Variants in ADGRB1 observed in about 807,000 individuals in gnomAD.
ADGRB1 encodes the protein adhesion G protein-coupled receptor B1, also known as brain-specific angiogenesis inhibitor 1.
In ADGRB1, 36 loss-of-function variants were observed where a neutral mutation model predicts 175.7. The ratio of observed to expected loss-of-function variants is 0.20; its 90% CI spans 0.16 to 0.27. The LOEUF is 0.27. Ranked by LOEUF, ADGRB1 falls within the 10% of genes least tolerant of loss-of-function variation. The pLI is 1.00. For synonymous variants in ADGRB1, 1,054 were observed against 979.4 expected, an observed-to-expected ratio of 1.08 and a Z score of -1.42; for missense variants, 1,731 against 2,255.3, an observed-to-expected ratio of 0.77 and a Z score of 4.71.
chr8:142,501,036 C>T (rs956467448), intron 17 of ADGRB1, among the ~76,000 whole-genome samples: 6 of 152,078 alleles, frequency 3.9e-5, no homozygotes, highest in African/African-American at 7.2e-5. Context: ...CACTTGTTGT[C>T]GAATGCTGGT....
Position 142,474,729 on chromosome 8 carries a change from C to T in ADGRB1, c.785-745C>T, listed in dbSNP as rs998627901. Among the ~76,000 whole-genome samples, 1 of 152,024 alleles carries T rather than the reference C, an allele frequency of 6.6e-6. No individual in the cohort carries two copies. On this transcript the variant is annotated intron_variant, in intron 2 of 30. Coordinates refer to ENST00000517894, the MANE Select transcript of ADGRB1 (RefSeq NM_001702.3). The surrounding 1 kb of genome is among the most constrained non-coding windows in gnomAD (Gnocchi z 5.8). The stretch of plus-strand genomic sequence containing the variant: ...GGTCCATGAAGGCCGCGGGGACTGT[C>T]GGGGCAGGGATGGAGAAAGACTCAC...
At chr8:142,495,644 C>T (rs1842177508) in intron 17 of ADGRB1, among the ~76,000 whole-genome samples, 4 of 151,976 alleles carry the variant, frequency 2.6e-5, no homozygotes, top group African/African-American at 4.8e-5. Context: ...CGGCGTCACT[C>T]CAGTCTCTGC....
chr8:142,460,319 G>A (rs1418726204), intron 1 of ADGRB1, among the ~76,000 whole-genome samples: 1 of 152,220 alleles, frequency 6.6e-6, no homozygotes, highest in African/African-American at 2.4e-5. Flanking sequence ...GGGGCCATCA[G>A]CCAAGACAAC....
At chr8:142,479,627 C>T (rs1230119016) in intron 8 of ADGRB1, 66 bp from the exon 9 acceptor site, 3 of 1,491,056 alleles carry the variant, frequency 2.0e-6, no homozygotes, top group Non-Finnish European at 2.7e-6. Context: ...GCGCCTTGCA[C>T]CTTCCAGAGC....
At chr8:142,479,863 G>A in intron 9 of ADGRB1, 69 bp downstream of exon 9, 2 of 1,481,196 alleles carry the variant, frequency 1.4e-6, no homozygotes, top group Non-Finnish European at 1.8e-6. Flanking sequence ...CCACGCTGAG[G>A]TGCTGTCAGC....
intron 13 of ADGRB1, among the ~76,000 whole-genome samples, chr8:142,486,969 G>A (rs1194439990): frequency 2.6e-5 from 4 of 152,288 alleles, no homozygotes. Context: ...GCAGTGAGTT[G>A]TGATCACACC....
At chr8:142,454,626 C>T (rs1268663015) in intron 1 of ADGRB1, among the ~76,000 whole-genome samples, 2 of 152,112 alleles carry the variant, frequency 1.3e-5, no homozygotes, top group Non-Finnish European at 2.9e-5. Context: ...GGGTGCTGGC[C>T]CTGCGTTCTG....
At position 142,511,106 on chromosome 8, in the gene ADGRB1, CCGGGCAGGGGCG is replaced by C. The variant is rs1358148755; in HGVS notation, c.2817+39_2817+50del. 9.3e-7 allele frequency: 1 copy of C among 1,077,484 alleles called. No individual in the cohort carries two copies. The highest frequency in any genetic ancestry group is 1.1e-6 in the Non-Finnish European group (1 of 890,474). The allele number at this position is 1,077,484 out of a possible 1,614,324, so 66.7% of individuals were successfully genotyped here. On this transcript the variant is annotated intron_variant, in intron 18 of 30. Transcript: ENST00000517894. This position sits in a 1 kb window ranked among gnomAD's most constrained non-coding sequence, Gnocchi z 4.5. Reference sequence around the variant, plus strand: ...CCCGGCCGGGCCGGCGGGAGGGGCGCCGGGCAGGGGCGCGGGCGGGGGCTGCCGGCGGGCCTG... The same window carrying C: ...CCCGGCCGGGCCGGCGGGAGGGGCGCCGGGCGGGGGCTGCCGGCGGGCCTG...
Position 142,449,714 on chromosome 8 carries a change from A to AGGCGGC in ADGRB1, c.-601_-596dup, listed in dbSNP as rs1043714974. On this transcript the variant is annotated 5_prime_UTR_variant, in exon 1 of 31. Transcript: ENST00000517894. ...CGGCCGGAGAGGGAGCGGCGGGCGC[A>AGGCGGC]GGCGGCGGCGGCGGGCGCGGCGTTG... 1 of 141,158 alleles carries AGGCGGC rather than the reference A, an allele frequency of 7.1e-6. No homozygotes were observed. The highest frequency in any genetic ancestry group is 1.5e-5 in the Non-Finnish European group (1 of 64,666). The allele number at this position is 141,158 out of a possible 1,614,324, so 8.7% of individuals were successfully genotyped here.
intron 17 of ADGRB1, among the ~76,000 whole-genome samples, chr8:142,499,126 C>T (rs543919604): frequency 6.6e-6 from 1 of 152,330 alleles, no homozygotes; most frequent in Admixed American, 6.5e-5. Context: ...CAGGCAGGCC[C>T]CTCACTGGCA....
At chr8:142,481,210 G>T (rs371924386) in intron 9 of ADGRB1, 44 bp from the exon 10 acceptor site, 2 of 1,577,512 alleles carry the variant, frequency 1.3e-6, no homozygotes, top group Non-Finnish European at 8.7e-7. Context: ...GGATTCCTGG[G>T]CCAGGCAGCG....
At chr8:142,496,574 G>A (rs898100897) in intron 17 of ADGRB1, among the ~76,000 whole-genome samples, 4 of 152,222 alleles carry the variant, frequency 2.6e-5, no homozygotes, top group African/African-American at 7.2e-5. Flanking sequence ...TTACACGTAA[G>A]AGTTGCAAAT....
intron 17 of ADGRB1, among the ~76,000 whole-genome samples, chr8:142,500,284 T>C (rs1398726127): frequency 8.8e-5 from 1 of 11,356 alleles, no homozygotes; most frequent in Admixed American, 1.2e-3. Flanking sequence ...CTCCTCCACC[T>C]CCCCACGCGC....
intron 22 of ADGRB1, among the ~76,000 whole-genome samples, chr8:142,523,590 T>G (rs1168064729): frequency 6.6e-6 from 1 of 151,748 alleles, no homozygotes; most frequent in Non-Finnish European, 1.5e-5. Flanking sequence ...CCTGCCGAAG[T>G]CAGGGGTGGA....
At chr8:142,453,050 T>C (rs1392896528) in intron 1 of ADGRB1, among the ~76,000 whole-genome samples, 154 of 115,006 alleles carry the variant, frequency 1.3e-3, no homozygotes, top group African/African-American at 5.2e-3. Flanking sequence ...GCCCGCTCGC[T>C]CGCTCGCTCG....
At chr8:142,499,409 C>T (rs1190263517) in intron 17 of ADGRB1, among the ~76,000 whole-genome samples, 3 of 152,252 alleles carry the variant, frequency 2.0e-5, no homozygotes, top group East Asian at 1.9e-4. Context: ...GGCAGGCAGC[C>T]GCTCAAAAGA....
Position 142,510,562 on chromosome 8 carries a change from G to A in ADGRB1, c.2676-370G>A, listed in dbSNP as rs1293482188. Among the ~76,000 whole-genome samples, 4 of 148,524 alleles carry A rather than the reference G, an allele frequency of 2.7e-5. No individual in the cohort carries two copies. The highest frequency in any genetic ancestry group is 9.8e-5 in the African/African-American group (4 of 40,966). On this transcript the variant is annotated intron_variant, in intron 17 of 30. Transcript: ENST00000517894. The surrounding 1 kb of genome is among the most constrained non-coding windows in gnomAD (Gnocchi z 6.3). ...CCGGGCCTCCCCCTCCTTCCCGCGCGGGCCGGGGGCGCGGGCCCCGGAGGA... is the reference window on the plus strand; with the variant it reads ...CCGGGCCTCCCCCTCCTTCCCGCGCAGGCCGGGGGCGCGGGCCCCGGAGGA...
intron 23 of ADGRB1, 131 bp downstream of exon 23, chr8:142,524,435 A>G: frequency 1.9e-6 from 2 of 1,044,092 alleles, no homozygotes; most frequent in Non-Finnish European, 2.7e-6. Context: ...CATGGCCCTC[A>G]TCACCAGGGG....
chr8:142,496,815 C>T (rs1187534791), intron 17 of ADGRB1, among the ~76,000 whole-genome samples: 1 of 152,160 alleles, frequency 6.6e-6, no homozygotes, highest in African/African-American at 2.4e-5. Flanking sequence ...CCAGCCCATC[C>T]TCATGGCTTT....
Sources: gnomAD v4.1 joint callset for allele counts (sites outside exome capture counted in the v4.1 genomes callset) on GRCh38, gnomAD v4.1.1 for gene constraint, Gnocchi (gnomAD v3.1) non-coding constraint, MANE v1.5 for transcripts, NCBI Gene and HGNC (gene_info 2026-07-23, HGNC 2026-07-21) for gene names.